SMC4: variants seen among roughly 807,000 people sequenced by gnomAD.
SMC4 encodes structural maintenance of chromosomes 4.
SMC4 carries 87 observed loss-of-function variants against 145.6 expected under a neutral mutation model. The ratio of observed to expected loss-of-function variants is 0.60; its 90% confidence interval spans 0.50 to 0.71. The LOEUF is 0.71. SMC4 is among the 30% of genes least tolerant of loss of function. SMC4 has a pLI of 0.00. For missense variants in SMC4, 1,447 were observed against 1,537.1 expected (o/e 0.94, Z 0.98); for synonymous variants, 558 against 500.7 (o/e 1.11, Z -1.53).
At position 160,420,463 on chromosome 3, in the gene SMC4, A is replaced by G. The variant is rs186577474; in HGVS notation, c.1858-277A>G. The G allele has an allele frequency of 1.3e-3, 431 of 337,120 alleles. 4 individuals are homozygous for G. Among genetic ancestry groups the G allele is most frequent in the African/African-American group, 7.9e-3 (360 of 45,296 alleles). 20.9% of individuals were successfully genotyped at this position (337,120 alleles called of 1,614,324 possible). ...ATTTTAGATGCTTTTCAATAATTCAAAGTTTTCTGAGTTTTGCTTATAGTT... is the reference window on the plus strand; with the variant it reads ...ATTTTAGATGCTTTTCAATAATTCAGAGTTTTCTGAGTTTTGCTTATAGTT... On this transcript the variant is annotated intron_variant, in intron 12 of 23. Transcript: ENST00000357388.
intron 12 of SMC4, among the ~76,000 whole-genome samples, chr3:160,420,139 C>G (rs1413539908): frequency 1.3e-5 from 2 of 152,094 alleles, no homozygotes; most frequent in East Asian, 3.9e-4. Flanking sequence ...ATACCTTAAC[C>G]CCACCTATTT....
At chr3:160,400,290 C>A (rs1714399769) in intron 1 of SMC4, 1 of 152,480 alleles carries the variant, frequency 6.6e-6, no homozygotes, top group Non-Finnish European at 1.5e-5. Context: ...GGGCCGTCAA[C>A]GGCGCCAGGA....
At chr3:160,422,399 A>T (rs1717279261) in intron 13 of SMC4, among the ~76,000 whole-genome samples, 1 of 152,232 alleles carries the variant, frequency 6.6e-6, no homozygotes, top group Non-Finnish European at 1.5e-5. Context: ...CTTAGTGAAT[A>T]TGAAGTGGTA....
chr3:160,428,354 G>A (rs986787783), intron 17 of SMC4, among the ~76,000 whole-genome samples: 1 of 152,228 alleles, frequency 6.6e-6, no homozygotes, highest in Non-Finnish European at 1.5e-5. Context: ...GCGAAGTTAT[G>A]TTAGCAGAAG....
intron 9 of SMC4, 129 bp downstream of exon 9, chr3:160,414,646 T>C: frequency 1.0e-6 from 1 of 972,216 alleles, no homozygotes; most frequent in Non-Finnish European, 1.5e-6. Flanking sequence ...GGTTTGTCTC[T>C]GAACATGATT....
chr3:160,421,795 T>G (rs1717208819), intron 13 of SMC4, among the ~76,000 whole-genome samples: 1 of 152,168 alleles, frequency 6.6e-6, no homozygotes, highest in Admixed American at 6.5e-5. Context: ...TATTAGTATA[T>G]TCACAGTGTT....
chr3:160,431,238 CAT>C (rs780437985), intron 20 of SMC4, 33 bp downstream of exon 20: 19 of 1,514,218 alleles, frequency 1.3e-5, no homozygotes, highest in East Asian at 7.1e-5. Flanking sequence ...TAATTTTAAA[CAT>C]ATTCTTTATG....
rs745762859 is a variant in SMC4 at position 160,433,847 on chromosome 3, TTACTGATTTTTTTCTATTTG to T, written c.*41_*60del. The T allele has an allele frequency of 6.7e-7, 1 of 1,501,452 alleles. No homozygotes were observed. The highest frequency in any genetic ancestry group is 1.2e-5 in the South Asian group (1 of 80,166). 93.0% of individuals were successfully genotyped at this position (1,501,452 alleles called of 1,614,324 possible). A position where few individuals can be genotyped will look rare whatever the true frequency, so the allele number is the denominator to read the frequency against. On this transcript the variant is annotated 3_prime_UTR_variant, in exon 24 of 24. Transcript: ENST00000357388. ...AGATTCTTCAAGTTGATTCAGTGTA[TTACTGATTTTTTTCTATTTG>T]TAAAGGATTATGAGTTGTATAAAAT...
intron 17 of SMC4, among the ~76,000 whole-genome samples, chr3:160,426,990 T>G (rs774903471): frequency 1.4e-4 from 22 of 152,142 alleles, no homozygotes; most frequent in Admixed American, 6.5e-4. Context: ...CTAATGAGAG[T>G]GGAGTTGGAG....
At chr3:160,421,917 A>C (rs887062665) in intron 13 of SMC4, among the ~76,000 whole-genome samples, 13 of 152,088 alleles carry the variant, frequency 8.5e-5, no homozygotes, top group Non-Finnish European at 1.5e-4. Flanking sequence ...CGTAACACTA[A>C]CTACTTTTTT....
In SMC4 at chr3:160,433,775, A is replaced by C. The variant is rs373792686; in HGVS notation, c.3833A>C (p.Asn1278Thr). ...TYNITKSVAV[N>T]PKEIASKGLC ...AACATAACAAAAAGTGTTGCTGTAA[A>C]TCCAAAAGAAATTGCATCTAAGGGA... is the stretch of plus-strand genomic sequence containing the variant. The change falls in exon 24 of 24, where the codon AAT becomes ACT. Residue 1278 changes from asparagine to threonine, a missense_variant. By Grantham distance (65) the Asn-to-Thr change is moderately conservative. Coordinates refer to ENST00000357388, the MANE Select transcript of SMC4 (RefSeq NM_001002800.3). 9.3e-6 allele frequency: 15 copies of C among 1,605,200 alleles called. No homozygotes were observed. Among genetic ancestry groups the C allele is most frequent in the Non-Finnish European group, 1.2e-5 (14 of 1,177,120 alleles).
rs747870085 is a variant in SMC4, at chr3:160,425,028, G to T, written c.2478+9G>T. On this transcript the variant is annotated intron_variant, in intron 16 of 23. Coordinates refer to ENST00000357388, the MANE Select transcript of SMC4 (RefSeq NM_001002800.3). ...TTACTGCAAGCATCCAGGTATGTGT[G>T]TGTGTGTGTGTGTGTGTGTGTGTGT... 1 of 1,456,176 alleles carries T rather than the reference G, an allele frequency of 6.9e-7. No homozygotes were observed. The highest frequency in any genetic ancestry group is 1.2e-5 in the South Asian group (1 of 80,868). 90.2% of individuals were successfully genotyped at this position (1,456,176 alleles called of 1,614,324 possible).
At chr3:160,420,408 A>C (rs1717040422) in intron 12 of SMC4, among the ~76,000 whole-genome samples, 1 of 152,266 alleles carries the variant, frequency 6.6e-6, no homozygotes, top group Admixed American at 6.5e-5. Flanking sequence ...ATAGATAAAC[A>C]GATAAATGTG....
At chr3:160,413,808 CTTAGAA>C (rs1405531495) in intron 8 of SMC4, 195 bp downstream of exon 8, 5 of 390,594 alleles carry the variant, frequency 1.3e-5, no homozygotes, top group Admixed American at 9.2e-5. Flanking sequence ...ACTCTGAAGT[CTTAGAA>C]CCGTGGGGAT....
chr3:160,405,166 C>G (rs973431695), intron 5 of SMC4, among the ~76,000 whole-genome samples: 4 of 151,944 alleles, frequency 2.6e-5, no homozygotes, highest in Non-Finnish European at 4.4e-5. Flanking sequence ...AGAGCAAGTC[C>G]TTTTAAAGAG....
intron 3 of SMC4, 135 bp from the exon 4 acceptor site, chr3:160,402,541 A>C: frequency 1.2e-6 from 1 of 825,222 alleles, no homozygotes; most frequent in South Asian, 1.7e-5. Context: ...TATGCCTGTG[A>C]TTAGCAATGA....
rs1158569877 is a variant in SMC4, at chr3:160,432,460, G to A, written c.3475G>A (p.Ala1159Thr). 1.9e-6 allele frequency: 3 copies of A among 1,612,740 alleles called. No individual in the cohort carries two copies. Among genetic ancestry groups the A allele is most frequent in the African/African-American group, 1.3e-5 (1 of 74,748 alleles). The change falls in exon 22 of 24, where the codon GCC becomes ACC. Residue 1159 changes from alanine to threonine, a missense_variant. Coordinates refer to ENST00000357388, the MANE Select transcript of SMC4 (RefSeq NM_001002800.3). ...CCAAATGCTTACTTTGGGAGGGGAC[G>A]CCGAACTCGAGCTTGTAGACAGCTT... ...NYQMLTLGGD[A>T]ELELVDSLDP...
intron 3 of SMC4, 131 bp downstream of exon 3, chr3:160,402,224 C>T: frequency 1.8e-6 from 1 of 551,668 alleles, no homozygotes; most frequent in Non-Finnish European, 3.1e-6. Context: ...GATAGTCTTT[C>T]TGTCTCTCTC....
Position 160,432,884 on chromosome 3 carries a change from A to G in SMC4, c.3531-142A>G, listed in dbSNP as rs1459147630. 7.9e-6 allele frequency: 5 copies of G among 630,598 alleles called. No homozygotes were observed. In the Admixed American group the frequency reaches 8.7e-5, roughly 11 times the overall value. 39.1% of individuals were successfully genotyped at this position (630,598 alleles called of 1,614,324 possible). ...CCTCCAATAACGTTTTTATAAAATA[A>G]CAGAAAAGAGAATTCATATTTGTGA... is the stretch of plus-strand genomic sequence containing the variant. On this transcript the variant is annotated intron_variant, in intron 22 of 23. Transcript: ENST00000357388.
Sources: allele counts gnomAD v4.1 joint callset (sites outside exome capture counted in the v4.1 genomes callset), GRCh38; gene constraint gnomAD v4.1.1; transcripts MANE v1.5; gene names NCBI Gene and HGNC (gene_info 2026-07-23, HGNC 2026-07-21).